ZNF469: variants seen among roughly 807,000 people sequenced by gnomAD.
The protein encoded by ZNF469 is zinc finger protein 469.
In ZNF469, 1 loss-of-function variant was observed where a neutral mutation model predicts 1.0. That is an observed-to-expected ratio of 1.00 (90% CI 0.35 to 4.73). The LOEUF (loss-of-function observed/expected upper bound fraction) is 4.73, where lower values mean the gene tolerates loss of function less well. Among genes scored for constraint, ZNF469 ranks in the 30% most tolerant of loss-of-function variants. The pLI, the probability that ZNF469 is intolerant of heterozygous loss-of-function variation, is 0.16. For missense variants in ZNF469, 6,100 were observed against 5,356.3 expected (o/e 1.14, Z -4.33); for synonymous variants, 2,703 against 2,363.4 (o/e 1.14, Z -4.17).
the ZNF469 span, among the ~76,000 whole-genome samples, chr16:88,279,650 T>C: frequency 9.1e-4 from 119 of 130,860 alleles, 6 homozygotes; most frequent in Non-Finnish European, 1.6e-3. Flanking sequence ...GTCAGTACCA[T>C]GTAGATATCA....
intron 1 of ZNF469, among the ~76,000 whole-genome samples, chr16:88,407,892 C>T (rs181065751): frequency 1.2e-4 from 19 of 152,368 alleles, no homozygotes; most frequent in Admixed American, 2.6e-4. Flanking sequence ...GACATAGAAA[C>T]CACATGCACA....
chr16:88,430,546 C>T lies in ZNF469; in HGVS notation c.3076C>T (p.Arg1026Trp). ...CCTCCCCGAGGAGACCCGCAGCTCC[C>T]GGCGCCGCCGGCTGCCCCCCAGGAA... ...AALPEETRSS[R>W]RRRLPPRKDP... The change falls in exon 3 of 3, where the codon CGG becomes TGG. Residue 1026 changes from arginine to tryptophan, a missense_variant. Physicochemically the swap from Arg to Trp is moderately radical, Grantham distance 101. Coordinates refer to ENST00000565624, the MANE Select transcript of ZNF469 (RefSeq NM_001367624.2). The T allele has an allele frequency of 3.4e-6, 5 of 1,469,750 alleles. No individual in the cohort carries two copies. The highest frequency in any genetic ancestry group is 4.5e-6 in the Non-Finnish European group (5 of 1,117,814). The allele number at this position is 1,469,750 out of a possible 1,614,324, so 91.0% of individuals were successfully genotyped here.
At chr16:88,341,540 C>G in the ZNF469 span, among the ~76,000 whole-genome samples, 5 of 152,248 alleles carry the variant, frequency 3.3e-5, no homozygotes, top group Non-Finnish European at 5.9e-5. Context: ...CGCATTGACT[C>G]TCAAGCCGTG....
At chr16:88,197,407 A>G in the ZNF469 span, among the ~76,000 whole-genome samples, 4 of 152,220 alleles carry the variant, frequency 2.6e-5, no homozygotes, top group Non-Finnish European at 4.4e-5. Flanking sequence ...TTCTATTCTC[A>G]GTGCTGGATA....
the ZNF469 span, among the ~76,000 whole-genome samples, chr16:88,357,584 G>A: frequency 2.6e-5 from 4 of 152,316 alleles, no homozygotes; most frequent in African/African-American, 9.6e-5. Context: ...GCAGGCAGGC[G>A]GGGGCCTGGG....
chr16:88,200,306 G>A, the ZNF469 span, among the ~76,000 whole-genome samples: 1 of 152,236 alleles, frequency 6.6e-6, no homozygotes, highest in Non-Finnish European at 1.5e-5. Flanking sequence ...CCAAGACGAG[G>A]GACATCTTTT....
At chr16:88,231,628 A>G in the ZNF469 span, among the ~76,000 whole-genome samples, 1 of 151,548 alleles carries the variant, frequency 6.6e-6, no homozygotes, top group African/African-American at 2.4e-5. This position sits in a 1 kb window ranked among gnomAD's most constrained non-coding sequence, Gnocchi z 4.5. Context: ...CCCTTCCTCC[A>G]CCTTCCAGGC....
the ZNF469 span, among the ~76,000 whole-genome samples, chr16:88,330,706 G>T: frequency 1.3e-5 from 2 of 152,164 alleles, no homozygotes; most frequent in Admixed American, 1.3e-4. Flanking sequence ...GAAAGGAGAA[G>T]TTTTCTCTCC....
chr16:88,435,100 G>A lies in ZNF469; in HGVS notation c.7630G>A (p.Gly2544Arg). 1.3e-6 allele frequency: 2 copies of A among 1,550,362 alleles called. No individual in the cohort carries two copies. The highest frequency in any genetic ancestry group is 1.4e-5 in the African/African-American group (1 of 73,164). ...GAAGGAGAGACCAAATCACTCACGG[G>A]GAGACCCCAGCCACGTCACCCAGCC... ...SGKERPNHSR[G>R]DPSHVTQPPP... The change falls in exon 3 of 3, where the codon GGA (glycine) becomes AGA (arginine). Residue 2544 changes from glycine (G) to arginine (R), a missense_variant. Coordinates refer to ENST00000565624, the MANE Select transcript of ZNF469 (RefSeq NM_001367624.2).
the ZNF469 span, among the ~76,000 whole-genome samples, chr16:88,370,027 C>CAA: frequency 2.0e-5 from 3 of 152,200 alleles, no homozygotes; most frequent in African/African-American, 7.2e-5. Context: ...TTGGACACTC[C>CAA]AGCAAAACCC....
the ZNF469 span, among the ~76,000 whole-genome samples, chr16:88,198,357 C>G: frequency 1.3e-5 from 2 of 152,192 alleles, no homozygotes; most frequent in Non-Finnish European, 2.9e-5. Context: ...CCGGCAGACC[C>G]CTCATTACAT....
At chr16:88,304,399 T>G in the ZNF469 span, among the ~76,000 whole-genome samples, 2 of 152,242 alleles carry the variant, frequency 1.3e-5, no homozygotes, top group East Asian at 3.9e-4. Context: ...GATGGGAAAC[T>G]GAGAAGGGCC....
chr16:88,296,527 C>G, the ZNF469 span, among the ~76,000 whole-genome samples: 1 of 151,632 alleles, frequency 6.6e-6, no homozygotes, highest in Non-Finnish European at 1.5e-5. Flanking sequence ...CCCACACACA[C>G]ACAGGTGCAC....
At chr16:88,419,798 C>T (rs2142289441) in intron 1 of ZNF469, among the ~76,000 whole-genome samples, 1 of 152,366 alleles carries the variant, frequency 6.6e-6, no homozygotes, top group East Asian at 1.9e-4. Flanking sequence ...CCGCTCAGGT[C>T]ACCCAGAAGG....
At chr16:88,148,361 C>G in the ZNF469 span, among the ~76,000 whole-genome samples, 1 of 152,180 alleles carries the variant, frequency 6.6e-6, no homozygotes, top group Non-Finnish European at 1.5e-5. Flanking sequence ...AGAGGATGCC[C>G]TGCTCCATGC....
chr16:88,249,365 C>G, the ZNF469 span, among the ~76,000 whole-genome samples: 1 of 151,392 alleles, frequency 6.6e-6, no homozygotes, highest in Non-Finnish European at 1.5e-5. Context: ...GCAGGACTCC[C>G]AAGATGGGAC....
the ZNF469 span, among the ~76,000 whole-genome samples, chr16:88,290,955 C>G: frequency 6.6e-6 from 1 of 152,180 alleles, no homozygotes; most frequent in African/African-American, 2.4e-5. Context: ...CAGATCGGAG[C>G]GCGTCAGCCT....
chr16:88,315,384 G>C, the ZNF469 span, among the ~76,000 whole-genome samples: 1 of 152,234 alleles, frequency 6.6e-6, no homozygotes, highest in South Asian at 2.1e-4. Flanking sequence ...GGAAGTGGGG[G>C]CCGTCATCTT....
chr16:88,273,679 A>G, the ZNF469 span, among the ~76,000 whole-genome samples: 6 of 152,248 alleles, frequency 3.9e-5, no homozygotes, highest in African/African-American at 1.2e-4. Context: ...GCTGAGGTCC[A>G]AAGAAACATC....
Sources: gnomAD v4.1 joint callset for allele counts (sites outside exome capture counted in the v4.1 genomes callset) on GRCh38, gnomAD v4.1.1 for gene constraint, Gnocchi (gnomAD v3.1) non-coding constraint, MANE v1.5 for transcripts, NCBI Gene and HGNC (gene_info 2026-07-23, HGNC 2026-07-21) for gene names.